Variants in LRRC8B observed in about 807,000 individuals in gnomAD.
LRRC8B encodes leucine rich repeat containing 8 VRAC subunit B.
LRRC8B carries 23 observed loss-of-function variants against 58.8 expected under a neutral mutation model. The ratio of observed to expected loss-of-function variants is 0.39; its 90% CI spans 0.28 to 0.55. The LOEUF is 0.55. Ranked by LOEUF, LRRC8B falls within the 20% of genes least tolerant of loss-of-function variation. The pLI, the probability that LRRC8B is intolerant of heterozygous loss-of-function variation, is 0.62. For synonymous variants in LRRC8B, 359 were observed against 374.1 expected, an observed-to-expected ratio of 0.96 and a Z score of 0.47; for missense variants, 694 against 936.0, an observed-to-expected ratio of 0.74 and a Z score of 3.37.
intron 1 of LRRC8B, among the ~76,000 whole-genome samples, chr1:89,532,200 G>A (rs952796160): frequency 2.0e-5 from 3 of 152,036 alleles, no homozygotes; most frequent in Non-Finnish European, 4.4e-5. Context: ...CCATGTTCCC[G>A]TCATAGTCTT....
intron 1 of LRRC8B, among the ~76,000 whole-genome samples, chr1:89,566,703 A>G (rs531553585): frequency 3.5e-4 from 53 of 152,354 alleles, no homozygotes; most frequent in Non-Finnish European, 4.4e-4. Context: ...TTGTTTTGTC[A>G]AATCCACCAT....
chr1:89,583,983 C>T lies in LRRC8B; in HGVS notation c.1333C>T (p.Leu445=). Residue 445 remains leucine, a synonymous_variant, in exon 5 of 6, where the codon CTA becomes TTA. Transcript: ENST00000330947. The surrounding 1 kb of genome is among the most constrained non-coding windows in gnomAD (Gnocchi z 5.2). The part of the protein sequence containing the change: ...NVFELTEMEV[L]SLELIPEVKL... ...CTTTGAGTTAACTGAAATGGAAGTG[C>T]TAAGCCTGGAGCTTATCCCAGAGGT... 5.0e-6 allele frequency: 8 copies of T among 1,614,208 alleles called. No individual in the cohort carries two copies. Among genetic ancestry groups the T allele is most frequent in the Non-Finnish European group, 6.8e-6 (8 of 1,180,038 alleles).
Position 89,596,461 on chromosome 1 carries a change from A to G in LRRC8B, c.*3418A>G, listed in dbSNP as rs1054245199. ...TGATGTATTTGCATAACATTGTTTG[A>G]TAGTGAAAAATTTTTTTTCGGTTCA... On this transcript the variant is annotated 3_prime_UTR_variant, in exon 6 of 6. Transcript: ENST00000330947. 1 of 152,106 alleles carries G rather than the reference A, an allele frequency of 6.6e-6. No individual in the cohort carries two copies. Among genetic ancestry groups the G allele is most frequent in the African/African-American group, 2.4e-5 (1 of 41,446 alleles). 9.4% of individuals were successfully genotyped at this position (152,106 alleles called of 1,614,324 possible).
At chr1:89,532,415 C>T (rs933856013) in intron 1 of LRRC8B, among the ~76,000 whole-genome samples, 1 of 152,148 alleles carries the variant, frequency 6.6e-6, no homozygotes, top group South Asian at 2.1e-4. Context: ...GTGTCCCCAC[C>T]CAAATCTCAT....
Position 89,584,685 on chromosome 1 carries a change from A to T in LRRC8B, c.2035A>T (p.Thr679Ser), listed in dbSNP as rs777581374. The change falls in exon 5 of 6, where the codon ACT (threonine) becomes TCT (serine). Residue 679 changes from threonine (T) to serine (S), a missense_variant. Thr to Ser is a moderately conservative substitution (Grantham distance 58). Coordinates refer to ENST00000330947, the MANE Select transcript of LRRC8B (RefSeq NM_001369817.2). ...ENLPLQLFLC[T>S]KLHYLDLSYN... is the part of the protein sequence containing the mutation. ...TCTGCCCTTGCAGCTTTTCCTATGC[A>T]CTAAACTACATTATTTGGATCTAAG... The T allele has an allele frequency of 1.9e-6, 3 of 1,613,954 alleles. No individual in the cohort carries two copies. In the Admixed American group the frequency reaches 5.0e-5, roughly 27 times the overall value.
intron 1 of LRRC8B, among the ~76,000 whole-genome samples, chr1:89,543,932 T>G (rs1439051469): frequency 6.6e-6 from 1 of 152,006 alleles, no homozygotes; most frequent in Non-Finnish European, 1.5e-5. Context: ...GGACCACAGT[T>G]GCATGCCACC....
intron 5 of LRRC8B, among the ~76,000 whole-genome samples, chr1:89,590,077 A>C (rs1654883483): frequency 6.6e-6 from 1 of 152,172 alleles, no homozygotes; most frequent in Non-Finnish European, 1.5e-5. Flanking sequence ...TTGTTGAAGT[A>C]TGTCATCCCC....
At chr1:89,562,152 C>CACAA (rs1652715725) in intron 1 of LRRC8B, among the ~76,000 whole-genome samples, 1 of 143,350 alleles carries the variant, frequency 7.0e-6, no homozygotes, top group Admixed American at 6.8e-5. Context: ...CCTCCCAAAA[C>CACAA]ACACACACAC....
intron 1 of LRRC8B, among the ~76,000 whole-genome samples, chr1:89,548,913 C>T (rs1473364782): frequency 6.6e-6 from 1 of 152,062 alleles, no homozygotes; most frequent in Admixed American, 6.6e-5. Context: ...CGTATAAATA[C>T]AATAGAAGTC....
At chr1:89,549,609 G>A (rs1651663646) in intron 1 of LRRC8B, among the ~76,000 whole-genome samples, 2 of 152,166 alleles carry the variant, frequency 1.3e-5, no homozygotes, top group South Asian at 4.1e-4. Flanking sequence ...GAAGTCATTT[G>A]AAGAGATGTT....
rs1348828840 is a variant in LRRC8B, at chr1:89,594,769, C to T, written c.*1726C>T. 1 of 152,104 alleles carries T rather than the reference C, an allele frequency of 6.6e-6. No homozygotes were observed. Among genetic ancestry groups the T allele is most frequent in the Non-Finnish European group, 1.5e-5 (1 of 67,988 alleles). 9.4% of individuals were successfully genotyped at this position (152,104 alleles called of 1,614,324 possible). ...AACTGACTCATTTTTGGGAAATGTA[C>T]ATCTTTAATATGTTTTTCCCTAAGG... On this transcript the variant is annotated 3_prime_UTR_variant, in exon 6 of 6. Coordinates refer to ENST00000330947, the MANE Select transcript of LRRC8B (RefSeq NM_001369817.2).
intron 1 of LRRC8B, among the ~76,000 whole-genome samples, chr1:89,534,184 A>G (rs1488904119): frequency 6.6e-6 from 1 of 152,172 alleles, no homozygotes; most frequent in African/African-American, 2.4e-5. Flanking sequence ...TTGAAAAACG[A>G]CTTGTTCTCA....
chr1:89,550,142 A>G (rs1217495122), intron 1 of LRRC8B, among the ~76,000 whole-genome samples: 1 of 152,198 alleles, frequency 6.6e-6, no homozygotes. Context: ...GTCTATGCCC[A>G]TAAGCTAGTT....
At chr1:89,542,184 C>A (rs1457794911) in intron 1 of LRRC8B, among the ~76,000 whole-genome samples, 1 of 152,146 alleles carries the variant, frequency 6.6e-6, no homozygotes, top group African/African-American at 2.4e-5. Context: ...TCTGCACCTA[C>A]CTTTAGCTAA....
chr1:89,543,698 A>T (rs1651191587), intron 1 of LRRC8B, among the ~76,000 whole-genome samples: 1 of 150,636 alleles, frequency 6.6e-6, no homozygotes, highest in Non-Finnish European at 1.5e-5. Context: ...ATTTTGCCAC[A>T]TTGGTCAGGC....
At chr1:89,581,433 G>A (rs1440665613) in intron 4 of LRRC8B, among the ~76,000 whole-genome samples, 1 of 151,936 alleles carries the variant, frequency 6.6e-6, no homozygotes, top group African/African-American at 2.4e-5. Flanking sequence ...ACCAGCAAGG[G>A]GGCACCATGC....
chr1:89,593,112 T>G lies in LRRC8B; in HGVS notation c.*69T>G, dbSNP rs755318054. 2 of 1,509,220 alleles carry G rather than the reference T, an allele frequency of 1.3e-6. No individual in the cohort carries two copies. The highest frequency in any genetic ancestry group is 1.8e-6 in the Non-Finnish European group (2 of 1,101,948). 93.5% of individuals were successfully genotyped at this position (1,509,220 alleles called of 1,614,324 possible). A position where few individuals can be genotyped will look rare whatever the true frequency, so the allele number is the denominator to read the frequency against. On this transcript the variant is annotated 3_prime_UTR_variant, in exon 6 of 6. Coordinates refer to ENST00000330947, the MANE Select transcript of LRRC8B (RefSeq NM_001369817.2). ...ATGCTCGGCCGGGCGTGGTGGCTCA[T>G]GCCTATAATCCCAGCACTTTGGGAG...
chr1:89,580,401 C>T (rs886748874), intron 4 of LRRC8B, among the ~76,000 whole-genome samples: 4 of 152,182 alleles, frequency 2.6e-5, no homozygotes, highest in Non-Finnish European at 5.9e-5. Context: ...AGTATTTCAG[C>T]GTAACAGCTG....
chr1:89,532,103 G>A (rs140040797), intron 1 of LRRC8B, among the ~76,000 whole-genome samples: 37 of 152,190 alleles, frequency 2.4e-4, no homozygotes, highest in African/African-American at 8.2e-4. Flanking sequence ...AAATTTCCAT[G>A]ACTACTTTCT....
Sources: gnomAD v4.1 joint callset for allele counts (sites outside exome capture counted in the v4.1 genomes callset) on GRCh38, gnomAD v4.1.1 for gene constraint, Gnocchi (gnomAD v3.1) non-coding constraint, MANE v1.5 for transcripts, NCBI Gene and HGNC (gene_info 2026-07-23, HGNC 2026-07-21) for gene names.